Variants in MYT1 observed in about 807,000 individuals in gnomAD.
MYT1 encodes myelin transcription factor 1.
MYT1 carries 23 observed loss-of-function variants against 123.0 expected under a neutral mutation model. The ratio of observed to expected loss-of-function variants is 0.19; its 90% CI spans 0.13 to 0.26. The LOEUF is 0.26. Ranked by LOEUF, MYT1 falls within the 10% of genes least tolerant of loss-of-function variation. The pLI is 1.00. For synonymous variants in MYT1, 518 were observed against 575.3 expected (o/e 0.90, Z 1.43); for missense variants, 1,125 against 1,472.5 (o/e 0.76, Z 3.86).
intron 1 of MYT1, among the ~76,000 whole-genome samples, chr20:64,188,544 A>C (rs1425951175): frequency 6.6e-6 from 1 of 152,166 alleles, no homozygotes; most frequent in East Asian, 1.9e-4. Flanking sequence ...AGAGGACCCC[A>C]CGCCCCATCT....
intron 8 of MYT1, among the ~76,000 whole-genome samples, chr20:64,211,767 G>T (rs888925032): frequency 6.6e-6 from 1 of 152,242 alleles, no homozygotes; most frequent in African/African-American, 2.4e-5. Flanking sequence ...ACCACAGAAT[G>T]AGAGGTTTTA....
chr20:64,238,699 T>G lies in MYT1; in HGVS notation c.3094-1061T>G, dbSNP rs139453814. On this transcript the variant is annotated intron_variant, in intron 21 of 22. Coordinates refer to ENST00000328439, the MANE Select transcript of MYT1 (RefSeq NM_004535.3). Reference sequence around the variant, plus strand: ...CACTGTTGTGTGGGTGTCCATTTTGTGCTCCCTGCTCCTCCCCTTCTCAGA... The same window carrying G: ...CACTGTTGTGTGGGTGTCCATTTTGGGCTCCCTGCTCCTCCCCTTCTCAGA... Among the ~76,000 whole-genome samples the G allele has an allele frequency of 3.5e-3, 534 of 150,790 alleles. 2 individuals are homozygous for G. Among genetic ancestry groups the G allele is most frequent in the African/African-American group, 0.012 (501 of 40,968 alleles).
rs1982980245 is a variant in MYT1 at position 64,191,855 on chromosome 20, A to T, written c.-1+1695A>T. 6.6e-6 allele frequency: 1 copy of T among 152,090 alleles called. No homozygotes were observed. Among genetic ancestry groups the T allele is most frequent in the African/African-American group, 2.4e-5 (1 of 41,388 alleles). 9.4% of individuals were successfully genotyped at this position (152,090 alleles called of 1,614,324 possible). ...TTTTTGCATCATGTTGATGTTTCTA[A>T]ATATTGAATTAAAATATTATTTATC... On this transcript the variant is annotated intron_variant, in intron 2 of 22. Coordinates refer to ENST00000328439, the MANE Select transcript of MYT1 (RefSeq NM_004535.3). The surrounding 1 kb of genome is among the most constrained non-coding windows in gnomAD (Gnocchi z 4.1).
Position 64,167,312 on chromosome 20 carries a change from G to A in MYT1, c.-99+2573G>A, listed in dbSNP as rs80072963. Reference sequence around the variant, plus strand: ...GCTGAGCTCTTCCTGGACGGACTCAGTGCAAAAGGTGCGTCTACTTTGGAA... The same window carrying A: ...GCTGAGCTCTTCCTGGACGGACTCAATGCAAAAGGTGCGTCTACTTTGGAA... On this transcript the variant is annotated intron_variant, in intron 1 of 22. Coordinates refer to ENST00000328439, the MANE Select transcript of MYT1 (RefSeq NM_004535.3). The surrounding 1 kb of genome is among the most constrained non-coding windows in gnomAD (Gnocchi z 6.3). Among the ~76,000 whole-genome samples the A allele has an allele frequency of 4.1e-3, 630 of 152,318 alleles. 1 individual carries two copies. The highest frequency in any genetic ancestry group is 0.014 in the African/African-American group (599 of 41,548).
At chr20:64,199,994 C>T in intron 4 of MYT1, 72 bp downstream of exon 4, 8 of 1,567,266 alleles carry the variant, frequency 5.1e-6, no homozygotes, top group African/African-American at 1.4e-5. Flanking sequence ...CTAAATGTCC[C>T]AAACGGGGTC....
In MYT1 at chr20:64,205,772, C is replaced by T. The variant is rs368285050; in HGVS notation, c.369C>T (p.Asp123=). The change falls in exon 6 of 23, where the codon GAC becomes GAT. Residue 123 remains aspartate, a synonymous_variant. Transcript: ENST00000328439. ...EGAEAETSGQ[D]EIHRPETAEG... ...CCGAGGCTGAGACGTCAGGACAGGA[C>T]GAGATTCATCGCCCCGAGACAGCTG... 11 of 1,613,944 alleles carry T rather than the reference C, an allele frequency of 6.8e-6. No individual in the cohort carries two copies. The highest frequency in any genetic ancestry group is 1.6e-4 in the Middle Eastern group (1 of 6,084).
chr20:64,234,588 C>T (rs1456096762), intron 19 of MYT1, among the ~76,000 whole-genome samples: 2 of 150,584 alleles, frequency 1.3e-5, no homozygotes, highest in Non-Finnish European at 3.0e-5. Flanking sequence ...TAATGTGTGA[C>T]CCTGGGCTGG....
In MYT1 at chr20:64,209,878, G is replaced by A. The variant is rs112045028; in HGVS notation, c.1292-1328G>A. On this transcript the variant is annotated intron_variant, in intron 7 of 22. Transcript: ENST00000328439. ...GATGGACCCAAAGAATGGCTTTGCG[G>A]GGACACCCTTTAGGGCAACCCAGAT... 1.6e-4 allele frequency among the ~76,000 whole-genome samples: 25 copies of A among 152,308 alleles called. 2 individuals are homozygous for A. The highest frequency in any genetic ancestry group is 5.8e-4 in the African/African-American group (24 of 41,562).
chr20:64,219,769 C>T lies in MYT1; in HGVS notation c.2028C>T (p.His676=), dbSNP rs1983942824. 6.2e-7 allele frequency: 1 copy of T among 1,614,186 alleles called. No individual in the cohort carries two copies. Among genetic ancestry groups the T allele is most frequent in the Non-Finnish European group, 8.5e-7 (1 of 1,180,032 alleles). ...CCCTGGACTTGAGCATGCACAAACA[C>T]CGCAAACGAGAAAATGCTTTCCCCA... is the stretch of plus-strand genomic sequence containing the variant. ...NGTLDLSMHK[H]RKRENAFPSS... The change falls in exon 13 of 23, where the codon CAC becomes CAT. Residue 676 remains histidine, a synonymous_variant. Coordinates refer to ENST00000328439, the MANE Select transcript of MYT1 (RefSeq NM_004535.3).
rs150526675 is a variant in MYT1 at position 64,205,655 on chromosome 20, C to T, written c.252C>T (p.Asp84=). Reference sequence around the variant, plus strand: ...CACACCCCCTGAAGCTGGCTCTGGACGAGGGCTATGGTGTGGACAGCGACG... The same window carrying T: ...CACACCCCCTGAAGCTGGCTCTGGATGAGGGCTATGGTGTGGACAGCGACG... ...RKSHPLKLAL[D]EGYGVDSDGS... The change falls in exon 6 of 23, where the codon GAC becomes GAT. Residue 84 remains aspartate, a synonymous_variant. Transcript: ENST00000328439. 9.9e-5 allele frequency: 159 copies of T among 1,614,158 alleles called. No homozygotes were observed. The highest frequency in any genetic ancestry group is 1.1e-4 in the Non-Finnish European group (131 of 1,180,022).
rs951577604 is a variant in MYT1 at position 64,185,546 on chromosome 20, T to C, written c.-98-4517T>C. ...TGTTATTTTGTTCTTGTTTTCAGAG[T>C]GGGGAGGTTTTACACAGTGGAAGGG... On this transcript the variant is annotated intron_variant, in intron 1 of 22. Coordinates refer to ENST00000328439, the MANE Select transcript of MYT1 (RefSeq NM_004535.3). The surrounding 1 kb of genome is among the most constrained non-coding windows in gnomAD (Gnocchi z 4.5). 6.6e-6 allele frequency among the ~76,000 whole-genome samples: 1 copy of C among 151,934 alleles called. No homozygotes were observed. Among genetic ancestry groups the C allele is most frequent in the African/African-American group, 2.4e-5 (1 of 41,364 alleles).
chr20:64,215,758 C>T (rs1983819223), intron 10 of MYT1, among the ~76,000 whole-genome samples: 3 of 136,384 alleles, frequency 2.2e-5, no homozygotes, highest in South Asian at 2.3e-4. Flanking sequence ...ATTTTTTTTG[C>T]GTTTTTTTTT....
Position 64,224,474 on chromosome 20 carries a change from A to G in MYT1, c.2528+1115A>G, listed in dbSNP as rs1032447308. ...CTCTGGAGGCTGGTCTGGCCCCAGC[A>G]GCCAGGAGGAGTGTGTCATGAGGCC... On this transcript the variant is annotated intron_variant, in intron 16 of 22. Transcript: ENST00000328439. Among the ~76,000 whole-genome samples the G allele has an allele frequency of 3.9e-5, 6 of 152,308 alleles. No homozygotes were observed. In the South Asian group the frequency reaches 1.2e-3, roughly 32 times the overall value.
chr20:64,172,741 C>CTTTTTTT lies in MYT1; in HGVS notation c.-99+8019_-99+8025dup, dbSNP rs33943131. Among the ~76,000 whole-genome samples, 45 of 95,548 alleles carry CTTTTTTT rather than the reference C, an allele frequency of 4.7e-4. 1 individual carries two copies. The highest frequency in any genetic ancestry group is 6.3e-4 in the Non-Finnish European group (32 of 51,178). 62.7% of individuals were successfully genotyped at this position (95,548 alleles called of 152,430 possible). A position where few individuals can be genotyped will look rare whatever the true frequency, so the allele number is the denominator to read the frequency against. On this transcript the variant is annotated intron_variant, in intron 1 of 22. Coordinates refer to ENST00000328439, the MANE Select transcript of MYT1 (RefSeq NM_004535.3). Reference sequence around the variant, plus strand: ...GTGCTGCTGGCTCTGGCCATACCCTCTTTTTTTTTTTTTTTTTTTTTTTGA... The same window carrying CTTTTTTT: ...GTGCTGCTGGCTCTGGCCATACCCTCTTTTTTTTTTTTTTTTTTTTTTTTTTTTTTGA...
intron 5 of MYT1, 70 bp downstream of exon 5, chr20:64,205,167 T>A (rs6062662): frequency 1.9e-6 from 3 of 1,548,904 alleles, no homozygotes; most frequent in East Asian, 4.5e-5. Flanking sequence ...ACTCTGCAGA[T>A]GGAGAACTTT....
At chr20:64,179,813 T>TACACACAGTTACACAATGCTACAC (rs1303012143) in intron 1 of MYT1, among the ~76,000 whole-genome samples, 2 of 151,986 alleles carry the variant, frequency 1.3e-5, no homozygotes, top group Non-Finnish European at 2.9e-5. Flanking sequence ...ACTCACATGC[T>TACACACAGTTACACAATGCTACAC]ACACACAGTT....
Position 64,213,592 on chromosome 20 carries a change from C to A in MYT1, c.1576C>A (p.Gln526Lys). ...ATTAGCCAAATCCCATGAGAAGCAG[C>A]AGCCGCAGACAGGAGATCCTTCCAA... ...EKLAKSHEKQ[Q>K]PQTGDPSKSS... The change falls in exon 10 of 23, where the codon CAG (glutamine) becomes AAG (lysine). Residue 526 changes from glutamine to lysine, a missense_variant. Physicochemically the swap from Gln to Lys is moderately conservative, Grantham distance 53. Transcript: ENST00000328439. The surrounding 1 kb of genome is among the most constrained non-coding windows in gnomAD (Gnocchi z 5.6). 1 of 1,614,176 alleles carries A rather than the reference C, an allele frequency of 6.2e-7. No individual in the cohort carries two copies. Among genetic ancestry groups the A allele is most frequent in the Non-Finnish European group, 8.5e-7 (1 of 1,180,030 alleles).
Position 64,241,519 on chromosome 20 carries a change from T to G in MYT1, c.*1071T>G, listed in dbSNP as rs922325997. On this transcript the variant is annotated 3_prime_UTR_variant, in exon 23 of 23. Transcript: ENST00000328439. This position sits in a 1 kb window ranked among gnomAD's most constrained non-coding sequence, Gnocchi z 4.2. ...GAGAAATTGCACTTCCTGGAAAAAATTAAAAAGTAGTTAGTTTAATTATTC... is the reference window on the plus strand; with the variant it reads ...GAGAAATTGCACTTCCTGGAAAAAAGTAAAAAGTAGTTAGTTTAATTATTC... 7.2e-5 allele frequency: 11 copies of G among 152,574 alleles called. No individual in the cohort carries two copies. Among genetic ancestry groups the G allele is most frequent in the African/African-American group, 2.4e-4 (10 of 41,448 alleles). 9.5% of individuals were successfully genotyped at this position (152,574 alleles called of 1,614,324 possible).
At position 64,213,454 on chromosome 20, in the gene MYT1, G is replaced by A; in HGVS notation, c.1518-80G>A. 1 of 1,099,024 alleles carries A rather than the reference G, an allele frequency of 9.1e-7. No homozygotes were observed. Among genetic ancestry groups the A allele is most frequent in the Non-Finnish European group, 1.4e-6 (1 of 730,572 alleles). 68.1% of individuals were successfully genotyped at this position (1,099,024 alleles called of 1,614,324 possible). On this transcript the variant is annotated intron_variant, in intron 9 of 22. Coordinates refer to ENST00000328439, the MANE Select transcript of MYT1 (RefSeq NM_004535.3). The surrounding 1 kb of genome is among the most constrained non-coding windows in gnomAD (Gnocchi z 5.6). ...TCACATCTGAATGACCTTGCCGTGA[G>A]ACACCCACACACACAGACACCCAGG...
Sources: allele counts gnomAD v4.1 joint callset (sites outside exome capture counted in the v4.1 genomes callset), GRCh38; gene constraint gnomAD v4.1.1; non-coding constraint Gnocchi (gnomAD v3.1); transcripts MANE v1.5; gene names NCBI Gene and HGNC (gene_info 2026-07-23, HGNC 2026-07-21).